Variants in CD81 observed in about 807,000 individuals in gnomAD.
CD81 encodes the protein CD81 antigen.
In CD81, 10 loss-of-function variants were observed where a neutral mutation model predicts 30.1. The ratio of observed to expected loss-of-function variants is 0.33; its 90% CI spans 0.21 to 0.56. The LOEUF is 0.56. Among genes scored for constraint, CD81 ranks in the 20% least tolerant of loss-of-function variants. The probability of loss-of-function intolerance (pLI) is 0.89; values close to 1 mark genes in which losing one functional copy is unlikely to be tolerated. For synonymous variants in CD81, 147 were observed against 126.4 expected, an observed-to-expected ratio of 1.16 and a Z score of -1.10; for missense variants, 263 against 308.7, an observed-to-expected ratio of 0.85 and a Z score of 1.11.
intron 1 of CD81, chr11:2,386,268 G>A (rs372598421): frequency 1.5e-5 from 10 of 676,470 alleles, no homozygotes; most frequent in Non-Finnish European, 2.5e-5. Context: ...TCTTGCTGTT[G>A]AGTTTGGAAA....
At chr11:2,387,912 A>ACT (rs1482173886) in intron 1 of CD81, among the ~76,000 whole-genome samples, 29 of 152,358 alleles carry the variant, frequency 1.9e-4, no homozygotes, top group Admixed American at 1.3e-3. Flanking sequence ...CCTCAGAAGA[A>ACT]GGTCTGAGAA....
intron 2 of CD81, chr11:2,392,620 C>T (rs536699203): frequency 6.6e-6 from 1 of 152,426 alleles, no homozygotes; most frequent in East Asian, 1.9e-4. Flanking sequence ...CCTTGGAGCT[C>T]CTCTGGCCAC....
chr11:2,383,367 C>A (rs1849734257), intron 1 of CD81, among the ~76,000 whole-genome samples: 1 of 152,138 alleles, frequency 6.6e-6, no homozygotes, highest in Non-Finnish European at 1.5e-5. Context: ...CTGGCACTGC[C>A]CCTTCTTGGT....
At chr11:2,380,795 G>A (rs1009181562) in intron 1 of CD81, among the ~76,000 whole-genome samples, 1 of 152,174 alleles carries the variant, frequency 6.6e-6, no homozygotes, top group African/African-American at 2.4e-5. Flanking sequence ...TCTTCTCCTC[G>A]GGGGCTGGCC....
chr11:2,394,105 C>T lies in CD81; in HGVS notation c.192C>T (p.Ile64=). The change falls in exon 3 of 8, where the codon ATC becomes ATT. Residue 64 remains isoleucine (I), a synonymous_variant. Transcript: ENST00000263645. ...APNTFYVGIY[I]LIAVGAVMMF... is the part of the protein sequence containing the mutation. ...CTCTCTCCCCGCAAGGCATCTACAT[C>T]CTCATCGCTGTGGGCGCTGTCATGA... 6.2e-7 allele frequency: 1 copy of T among 1,612,986 alleles called. No homozygotes were observed. The highest frequency in any genetic ancestry group is 8.5e-7 in the Non-Finnish European group (1 of 1,179,592).
At chr11:2,390,196 GC>G (rs36084094) in intron 1 of CD81, 1 of 643,982 alleles carries the variant, frequency 1.6e-6, no homozygotes, top group Non-Finnish European at 2.8e-6. Flanking sequence ...GCAGGGCAGG[GC>G]CAGGCTCCAA....
intron 1 of CD81, among the ~76,000 whole-genome samples, chr11:2,379,636 G>A (rs1396924994): frequency 6.6e-6 from 1 of 152,072 alleles, no homozygotes; most frequent in African/African-American, 2.4e-5. Context: ...GCAGCCCCCT[G>A]GGAGTGTCGC....
intron 1 of CD81, among the ~76,000 whole-genome samples, chr11:2,385,020 T>C (rs1849766663): frequency 6.6e-6 from 1 of 152,080 alleles, no homozygotes; most frequent in Middle Eastern, 3.2e-3. Flanking sequence ...ATCCTAAAAG[T>C]GCACTTCTAA....
chr11:2,388,894 C>T (rs1353216264), intron 1 of CD81, among the ~76,000 whole-genome samples: 2 of 152,202 alleles, frequency 1.3e-5, no homozygotes, highest in Non-Finnish European at 2.9e-5. Context: ...CTTGTGGGGC[C>T]CTGACCCCAT....
Position 2,384,318 on chromosome 11 carries a change from CG to C in CD81, c.67-6090del, listed in dbSNP as rs921348859. 6.9e-3 allele frequency among the ~76,000 whole-genome samples: 341 copies of C among 49,130 alleles called. 1 individual carries two copies. The highest frequency in any genetic ancestry group is 0.026 in the African/African-American group (321 of 12,312). The allele number at this position is 49,130 out of a possible 152,430, so 32.2% of individuals were successfully genotyped here. On this transcript the variant is annotated intron_variant, in intron 1 of 7. Coordinates refer to ENST00000263645, the MANE Select transcript of CD81 (RefSeq NM_004356.4). ...TTGTGGGGCGGGGCGCCTTGGGAGG[CG>C]GGGTGTCTCGGGAAGCGGGGCGTCT...
intron 4 of CD81, 176 bp from the exon 5 acceptor site, chr11:2,395,240 G>A (rs1849975088): frequency 1.1e-5 from 8 of 728,650 alleles, no homozygotes; most frequent in African/African-American, 1.7e-5. Flanking sequence ...CCAGCCTCCC[G>A]TGTCCCAGCA....
chr11:2,395,070 G>A (rs1589853669), intron 4 of CD81, 24 bp downstream of exon 4: 14 of 1,597,164 alleles, frequency 8.8e-6, no homozygotes, highest in African/African-American at 2.7e-5. Context: ...TGCAGGGACA[G>A]GGTGGGGTGG....
intron 1 of CD81, among the ~76,000 whole-genome samples, chr11:2,381,951 C>A (rs1364860857): frequency 6.6e-6 from 1 of 152,246 alleles, no homozygotes; most frequent in East Asian, 1.9e-4. Context: ...TCAGTGTCCC[C>A]CAGCCCTACA....
chr11:2,391,471 C>T (rs1849899303), intron 2 of CD81: 1 of 152,292 alleles, frequency 6.6e-6, no homozygotes, highest in South Asian at 2.1e-4. Flanking sequence ...TGTCCAGTCA[C>T]CCCAGGGCCA....
upstream of CD81, chr11:2,376,434 G>A (rs1849589300): frequency 6.6e-6 from 1 of 152,226 alleles, no homozygotes; most frequent in Admixed American, 6.5e-5. Flanking sequence ...TCGTCAGTGT[G>A]TCATCTCCTG....
At chr11:2,395,313 G>T (rs1420058765) in intron 4 of CD81, 103 bp from the exon 5 acceptor site, 1 of 947,164 alleles carries the variant, frequency 1.1e-6, no homozygotes, top group Non-Finnish European at 1.7e-6. Context: ...AAGCCACCCT[G>T]CCCAGGGAGA....
chr11:2,385,317 G>C (rs1473341699), intron 1 of CD81, among the ~76,000 whole-genome samples: 2 of 152,058 alleles, frequency 1.3e-5, no homozygotes, highest in East Asian at 3.9e-4. Context: ...AGGTGCCCCT[G>C]GGGCCCTTGG....
In CD81 at chr11:2,395,865, G is replaced by A. The variant is rs1305418874; in HGVS notation, c.460-4G>A. ...GGCTGACCTTGCACCCCTGCTCTCT[G>A]CAGCTTGACTGCTGTGGCTCCAGCA... On this transcript the variant is annotated splice_region_variant and splice_polypyrimidine_tract_variant and intron_variant, in intron 5 of 7. Coordinates refer to ENST00000263645, the MANE Select transcript of CD81 (RefSeq NM_004356.4). The A allele has an allele frequency of 1.2e-6, 2 of 1,606,524 alleles. No individual in the cohort carries two copies. Among genetic ancestry groups the A allele is most frequent in the Non-Finnish European group, 1.7e-6 (2 of 1,174,954 alleles).
chr11:2,394,001 G>C (rs558037994), intron 2 of CD81, 94 bp from the exon 3 acceptor site: 1 of 892,186 alleles, frequency 1.1e-6, no homozygotes, highest in African/African-American at 1.6e-5. Context: ...TTCCCAGCTG[G>C]GCGGCCCGTG....
Sources: gnomAD v4.1 joint callset for allele counts (sites outside exome capture counted in the v4.1 genomes callset) on GRCh38, gnomAD v4.1.1 for gene constraint, MANE v1.5 for transcripts, NCBI Gene and HGNC (gene_info 2026-07-23, HGNC 2026-07-21) for gene names.